The following BLTP3A variants were observed in gnomAD, a reference collection of about 807,000 sequenced individuals.
BLTP3A encodes ICBP90 binding protein 1.
chr6:34,822,065 C>A, the BLTP3A span: 2 of 1,308,060 alleles, frequency 1.5e-6, no homozygotes, highest in East Asian at 4.6e-5. Flanking sequence ...GTGGGTGTCT[C>A]CTTATGTCCC....
chr6:34,809,505 A>G, the BLTP3A span, among the ~76,000 whole-genome samples: 1 of 152,210 alleles, frequency 6.6e-6, no homozygotes, highest in Non-Finnish European at 1.5e-5. Flanking sequence ...GTCCCCATGC[A>G]TAGTTGAAAA....
the BLTP3A span, among the ~76,000 whole-genome samples, chr6:34,855,235 C>T: frequency 6.6e-6 from 1 of 152,110 alleles, no homozygotes; most frequent in Non-Finnish European, 1.5e-5. Context: ...TGGCTTCTGC[C>T]TCTTCGTGTG....
At chr6:34,805,065 G>A in the BLTP3A span, among the ~76,000 whole-genome samples, 1 of 151,788 alleles carries the variant, frequency 6.6e-6, no homozygotes, top group Non-Finnish European at 1.5e-5. Context: ...AGCCCAAGGT[G>A]GGTGGATGGG....
the BLTP3A span, among the ~76,000 whole-genome samples, chr6:34,837,562 T>C: frequency 1.3e-5 from 2 of 152,018 alleles, no homozygotes; most frequent in Non-Finnish European, 2.9e-5. Context: ...CCTGTAGTTC[T>C]AGCTACTCAG....
At chr6:34,819,800 G>A in the BLTP3A span, among the ~76,000 whole-genome samples, 1 of 152,090 alleles carries the variant, frequency 6.6e-6, no homozygotes, top group Admixed American at 6.5e-5. Flanking sequence ...ATCGAGGACT[G>A]GAGCAGTGAG....
chr6:34,847,879 A>G, the BLTP3A span, among the ~76,000 whole-genome samples: 1 of 123,378 alleles, frequency 8.1e-6, no homozygotes, highest in East Asian at 2.4e-4. Context: ...AAGATGTACC[A>G]TGAGGTTATT....
the BLTP3A span, among the ~76,000 whole-genome samples, chr6:34,812,522 G>A: frequency 6.6e-6 from 1 of 152,156 alleles, no homozygotes; most frequent in South Asian, 2.1e-4. Flanking sequence ...TCAGGCTGGA[G>A]TGTAGAGGCA....
chr6:34,841,800 T>C, the BLTP3A span, among the ~76,000 whole-genome samples: 2 of 152,008 alleles, frequency 1.3e-5, no homozygotes. Flanking sequence ...CCCCAGAAAA[T>C]AAAAAAAGAA....
chr6:34,852,020 G>A, the BLTP3A span, among the ~76,000 whole-genome samples: 5 of 152,086 alleles, frequency 3.3e-5, no homozygotes, highest in Non-Finnish European at 7.3e-5. Flanking sequence ...TTTCAAGGCA[G>A]TGGGCCCCTC....
chr6:34,826,014 T>G, the BLTP3A span, among the ~76,000 whole-genome samples: 4 of 150,614 alleles, frequency 2.7e-5, no homozygotes, highest in African/African-American at 9.8e-5. Context: ...TTATATTCTT[T>G]TTACATTTTG....
the BLTP3A span, among the ~76,000 whole-genome samples, chr6:34,816,435 C>A: frequency 1.2e-4 from 18 of 151,924 alleles, no homozygotes; most frequent in African/African-American, 4.4e-4. Flanking sequence ...CAAAGGGAGA[C>A]CCCATCTCTA....
the BLTP3A span, among the ~76,000 whole-genome samples, chr6:34,865,343 G>C: frequency 1.3e-5 from 2 of 152,178 alleles, no homozygotes; most frequent in African/African-American, 2.4e-5. Flanking sequence ...CTGTCCTCCA[G>C]ATTCATCTAC....
chr6:34,865,331 G>A, the BLTP3A span, among the ~76,000 whole-genome samples: 6 of 152,084 alleles, frequency 3.9e-5, no homozygotes, highest in Admixed American at 3.9e-4. Flanking sequence ...TTAGCATATT[G>A]TCTGTCCTCC....
chr6:34,822,497 C>T, the BLTP3A span, among the ~76,000 whole-genome samples: 26 of 152,118 alleles, frequency 1.7e-4, no homozygotes, highest in African/African-American at 5.6e-4. Flanking sequence ...TCTCAGCCTT[C>T]GAAAGTGCTG....
the BLTP3A span, among the ~76,000 whole-genome samples, chr6:34,831,847 G>A: frequency 3.3e-5 from 5 of 151,934 alleles, no homozygotes; most frequent in East Asian, 1.9e-4. Flanking sequence ...ACGGAGCCTC[G>A]CTCTGTCACC....
At chr6:34,822,469 C>T in the BLTP3A span, among the ~76,000 whole-genome samples, 1 of 152,072 alleles carries the variant, frequency 6.6e-6, no homozygotes, top group African/African-American at 2.4e-5. Context: ...GAACTCCTAA[C>T]CTCAGGTGAT....
chr6:34,797,167 A>T, the BLTP3A span, among the ~76,000 whole-genome samples: 3 of 152,216 alleles, frequency 2.0e-5, no homozygotes, highest in African/African-American at 7.2e-5. Context: ...AGTTAGGTCC[A>T]CTGTGATGGC....
the BLTP3A span, chr6:34,871,631 C>T: frequency 3.1e-6 from 5 of 1,613,962 alleles, no homozygotes; most frequent in African/African-American, 6.7e-5. Context: ...CCATCCCCAT[C>T]ACTCTGGCCA....
the BLTP3A span, among the ~76,000 whole-genome samples, chr6:34,817,364 C>T: frequency 1.2e-4 from 18 of 152,136 alleles, no homozygotes; most frequent in African/African-American, 4.3e-4. Context: ...AGTTCATACT[C>T]AGTAAATGTA....
Sources: allele counts gnomAD v4.1 joint callset (sites outside exome capture counted in the v4.1 genomes callset), GRCh38; gene constraint gnomAD v4.1.1; transcripts MANE v1.5; gene names NCBI Gene and HGNC (gene_info 2026-07-23, HGNC 2026-07-21).